Variants in OPCML observed in about 807,000 individuals in gnomAD.
OPCML encodes the protein opioid binding protein/cell adhesion molecule like.
Under a neutral mutation model 37.8 loss-of-function variants are expected in OPCML, and 13 were observed. The observed-to-expected ratio is 0.34, with a 90% confidence interval of 0.22 to 0.55. The LOEUF (loss-of-function observed/expected upper bound fraction) is 0.55. Among genes scored for constraint, OPCML ranks in the 20% least tolerant of loss-of-function variants. The pLI, the probability that OPCML is intolerant of heterozygous loss-of-function variation, is 0.91. For synonymous variants in OPCML, 176 were observed against 168.8 expected (o/e 1.04, Z -0.33); for missense variants, 341 against 435.6 (o/e 0.78, Z 1.93).
intron 1 of OPCML, among the ~76,000 whole-genome samples, chr11:133,384,425 T>C (rs550112307): frequency 6.6e-6 from 1 of 152,262 alleles, no homozygotes; most frequent in Admixed American, 6.5e-5. Flanking sequence ...CTAAGGTTGA[T>C]AGTATTAACA....
intron 1 of OPCML, among the ~76,000 whole-genome samples, chr11:133,134,850 A>G (rs1949661759): frequency 6.6e-6 from 1 of 152,170 alleles, no homozygotes; most frequent in Non-Finnish European, 1.5e-5. Flanking sequence ...AACACCAGTA[A>G]GGTTCCTTGG....
At chr11:132,556,250 G>A (rs1273765941) in intron 3 of OPCML, among the ~76,000 whole-genome samples, 4 of 152,138 alleles carry the variant, frequency 2.6e-5, no homozygotes, top group Admixed American at 2.6e-4. Flanking sequence ...ACCAAAAATT[G>A]TTGTTCTTTA....
chr11:132,977,732 C>T (rs910924577), intron 1 of OPCML, among the ~76,000 whole-genome samples: 8 of 152,114 alleles, frequency 5.3e-5, no homozygotes, highest in African/African-American at 1.9e-4. Flanking sequence ...TACAAACTTG[C>T]TAAAGTAGGG....
chr11:133,188,970 C>A (rs1938198380), intron 1 of OPCML, among the ~76,000 whole-genome samples: 1 of 152,154 alleles, frequency 6.6e-6, no homozygotes, highest in Non-Finnish European at 1.5e-5. Context: ...AAAGATATCC[C>A]AGTACAAACT....
At chr11:132,510,759 A>T (rs7926049) in intron 4 of OPCML, among the ~76,000 whole-genome samples, 2,139 of 152,296 alleles carry the variant, frequency 0.014, 54 homozygotes, top group African/African-American at 0.048. Context: ...CTTTATCAGC[A>T]GCATGAAAAC....
chr11:132,517,486 G>A (rs529939947), intron 4 of OPCML, among the ~76,000 whole-genome samples: 1 of 152,172 alleles, frequency 6.6e-6, no homozygotes, highest in African/African-American at 2.4e-5. Context: ...AGAGGTGGCT[G>A]CAGTATGTTA....
chr11:133,190,217 G>A (rs1237735964), intron 1 of OPCML, among the ~76,000 whole-genome samples: 3 of 152,176 alleles, frequency 2.0e-5, no homozygotes, highest in African/African-American at 7.2e-5. Context: ...TTTCCCCATG[G>A]AGACAAAAGA....
chr11:133,165,390 C>T (rs1271878546), intron 1 of OPCML, among the ~76,000 whole-genome samples: 2 of 152,106 alleles, frequency 1.3e-5, no homozygotes, highest in African/African-American at 4.8e-5. Context: ...ACCTTGGCTG[C>T]AGCAGGAGCC....
intron 1 of OPCML, among the ~76,000 whole-genome samples, chr11:132,990,303 C>A (rs1455563558): frequency 1.3e-5 from 2 of 152,314 alleles, no homozygotes; most frequent in African/African-American, 2.4e-5. Flanking sequence ...CTGCACTTAC[C>A]ATCGATCTAT....
intron 1 of OPCML, among the ~76,000 whole-genome samples, chr11:133,454,012 G>A (rs1246413570): frequency 6.6e-6 from 1 of 152,152 alleles, no homozygotes; most frequent in Non-Finnish European, 1.5e-5. Flanking sequence ...CTAATCTTGG[G>A]TTTGGAAGGG....
intron 1 of OPCML, among the ~76,000 whole-genome samples, chr11:133,171,624 T>G (rs546275629): frequency 3.3e-5 from 5 of 152,358 alleles, no homozygotes; most frequent in African/African-American, 1.2e-4. Flanking sequence ...GATGCCGGGT[T>G]GTCTGGGGAG....
At chr11:133,110,752 T>A (rs1382359626) in intron 1 of OPCML, among the ~76,000 whole-genome samples, 1 of 152,080 alleles carries the variant, frequency 6.6e-6, no homozygotes, top group East Asian at 1.9e-4. Flanking sequence ...CAAACTTCCC[T>A]CCTAGATATA....
chr11:133,030,707 A>G (rs10736606), intron 1 of OPCML, among the ~76,000 whole-genome samples: 97,562 of 152,040 alleles, frequency 0.64, 31,993 homozygotes, highest in East Asian at 0.81. Flanking sequence ...TAATTAATAA[A>G]ACTGCTCATT....
intron 1 of OPCML, among the ~76,000 whole-genome samples, chr11:133,280,917 G>A (rs1032039676): frequency 6.6e-6 from 1 of 152,182 alleles, no homozygotes; most frequent in Non-Finnish European, 1.5e-5. Flanking sequence ...TAGTGGCTAA[G>A]TACTGCCCCT....
At chr11:133,053,321 A>G (rs924679140) in intron 1 of OPCML, among the ~76,000 whole-genome samples, 1 of 152,206 alleles carries the variant, frequency 6.6e-6, no homozygotes, top group African/African-American at 2.4e-5. Flanking sequence ...GATCACGGTC[A>G]TTATCATAAT....
rs1488967366 is a variant in OPCML at position 132,787,279 on chromosome 11, G to T, written c.147-129960C>A. ...AAGAATTCTAATTGCTTTACTTAAT[G>T]CATGACTGTGAGCAAAATCTCTGAG... On this transcript the variant is annotated intron_variant, in intron 2 of 7. Coordinates refer to ENST00000524381, the MANE Select transcript of OPCML (RefSeq NM_001012393.5). Among the ~76,000 whole-genome samples, 3 of 152,160 alleles carry T rather than the reference G, an allele frequency of 2.0e-5. No individual in the cohort carries two copies. In the East Asian group the frequency reaches 5.8e-4, roughly 29 times the overall value.
chr11:133,490,348 C>A (rs1355215094), intron 1 of OPCML, among the ~76,000 whole-genome samples: 1 of 152,078 alleles, frequency 6.6e-6, no homozygotes, highest in Non-Finnish European at 1.5e-5. Context: ...ACTGTGAGTT[C>A]TTTGTATTTT....
intron 2 of OPCML, among the ~76,000 whole-genome samples, chr11:132,783,663 C>T (rs1947107785): frequency 6.6e-6 from 1 of 152,102 alleles, no homozygotes; most frequent in South Asian, 2.1e-4. Context: ...ATATAATACT[C>T]CCAAAGGCAT....
intron 1 of OPCML, chr11:133,417,974 C>T (rs1054401737): frequency 3.1e-5 from 21 of 688,518 alleles, no homozygotes; most frequent in Non-Finnish European, 3.8e-5. Context: ...TAAAAGTTTA[C>T]ACAAGCTTTG....
Sources: gnomAD v4.1 joint callset for allele counts (sites outside exome capture counted in the v4.1 genomes callset) on GRCh38, gnomAD v4.1.1 for gene constraint, MANE v1.5 for transcripts, NCBI Gene and HGNC (gene_info 2026-07-23, HGNC 2026-07-21) for gene names.